Variants in NKAIN1 observed in about 807,000 individuals in gnomAD.
NKAIN1 encodes the protein sodium/potassium-transporting ATPase subunit beta-1-interacting protein 1.
In NKAIN1, 13 loss-of-function variants were observed where a neutral mutation model predicts 31.6. The observed-to-expected ratio is 0.41, with a 90% CI of 0.27 to 0.65. The LOEUF (loss-of-function observed/expected upper bound fraction) is 0.65. Among genes scored for constraint, NKAIN1 ranks in the 30% least tolerant of loss-of-function variants. The probability of loss-of-function intolerance (pLI) is 0.30; values close to 1 mark genes in which losing one functional copy is unlikely to be tolerated. For missense variants in NKAIN1, 193 were observed against 262.2 expected (o/e 0.74, Z 1.82); for synonymous variants, 104 against 109.0 (o/e 0.95, Z 0.28).
At chr1:31,193,777 A>G (rs1407077254) in intron 1 of NKAIN1, 2 of 152,112 alleles carry the variant, frequency 1.3e-5, no homozygotes, top group African/African-American at 4.8e-5. Flanking sequence ...TAATTAACAA[A>G]TAATAATAAG....
intron 6 of NKAIN1, 66 bp downstream of exon 6, chr1:31,181,794 C>G: frequency 2.6e-6 from 4 of 1,561,512 alleles, no homozygotes; most frequent in African/African-American, 1.3e-5. Flanking sequence ...GCCCACTCCT[C>G]CATCCCCTCC....
rs1339872797 is a variant in NKAIN1 at position 31,180,321 on chromosome 1, A to G, written c.*1382T>C. The G allele has an allele frequency of 6.6e-6, 1 of 152,154 alleles. No individual in the cohort carries two copies. Among genetic ancestry groups the G allele is most frequent in the Non-Finnish European group, 1.5e-5 (1 of 68,062 alleles). The allele number at this position is 152,154 out of a possible 1,614,324, so 9.4% of individuals were successfully genotyped here. ...AATGCTGAGACCTGATCCTCTCTCT[A>G]TGGACGCACCAGGCAGTGCGTGGGA... On this transcript the variant is annotated 3_prime_UTR_variant, in exon 7 of 7. Transcript: ENST00000373736.
intron 1 of NKAIN1, among the ~76,000 whole-genome samples, chr1:31,206,821 C>T (rs1340326698): frequency 1.3e-5 from 2 of 152,174 alleles, no homozygotes; most frequent in Admixed American, 6.5e-5. Context: ...GCAGCCCCAA[C>T]CTCTGAGCCT....
chr1:31,201,459 C>T (rs540317885), intron 1 of NKAIN1, among the ~76,000 whole-genome samples: 19 of 151,148 alleles, frequency 1.3e-4, no homozygotes, highest in African/African-American at 4.1e-4. Flanking sequence ...TCCGGGTTCA[C>T]GCCATCCTCC....
intron 3 of NKAIN1, among the ~76,000 whole-genome samples, chr1:31,184,618 T>A (rs1645228470): frequency 6.6e-6 from 1 of 152,200 alleles, no homozygotes; most frequent in African/African-American, 2.4e-5. Flanking sequence ...ATCAGCCACT[T>A]GCCCAGGGTA....
At chr1:31,186,062 T>TA (rs765519205) in intron 2 of NKAIN1, among the ~76,000 whole-genome samples, 2,173 of 130,214 alleles carry the variant, frequency 0.017, 19 homozygotes, top group Admixed American at 0.034. Flanking sequence ...AACCCATATT[T>TA]AAAAAAAAAA....
chr1:31,221,298 G>T (rs192903729), intron 1 of NKAIN1, among the ~76,000 whole-genome samples: 1 of 152,146 alleles, frequency 6.6e-6, no homozygotes, highest in Admixed American at 6.6e-5. Flanking sequence ...TGTCTCTCTG[G>T]TCTAGACGAA....
intron 1 of NKAIN1, among the ~76,000 whole-genome samples, chr1:31,219,066 A>G (rs1040697768): frequency 2.0e-5 from 3 of 152,274 alleles, no homozygotes; most frequent in South Asian, 2.1e-4. Context: ...AGGAGCACCA[A>G]TGCGGGTCTA....
intron 5 of NKAIN1, 93 bp downstream of exon 5, chr1:31,182,437 G>GCTCC: frequency 6.9e-7 from 1 of 1,439,820 alleles, no homozygotes; most frequent in Admixed American, 1.7e-5. Context: ...CCGACCCTGG[G>GCTCC]CTCCCTCCCG....
chr1:31,200,417 G>A (rs546546934), intron 1 of NKAIN1, among the ~76,000 whole-genome samples: 3 of 151,652 alleles, frequency 2.0e-5, no homozygotes, highest in East Asian at 1.9e-4. Flanking sequence ...CTATAGTTCC[G>A]GAATGTCTTA....
chr1:31,203,388 G>A (rs910247097), intron 1 of NKAIN1, among the ~76,000 whole-genome samples: 6 of 147,206 alleles, frequency 4.1e-5, no homozygotes, highest in Non-Finnish European at 9.2e-5. Flanking sequence ...CCATTATGAT[G>A]GAGTGTGGGA....
At chr1:31,235,087 T>C (rs1645684979) in intron 1 of NKAIN1, among the ~76,000 whole-genome samples, 1 of 152,204 alleles carries the variant, frequency 6.6e-6, no homozygotes, top group African/African-American at 2.4e-5. Flanking sequence ...TGTATGCTCA[T>C]TTGGTTAAAT....
chr1:31,183,820 C>T lies in NKAIN1; in HGVS notation c.468G>A (p.Leu156=). The T allele has an allele frequency of 1.2e-6, 2 of 1,611,504 alleles. No homozygotes were observed. The highest frequency in any genetic ancestry group is 2.2e-5 in the East Asian group (1 of 44,790). Residue 156 remains leucine, a synonymous_variant, in exon 4 of 7, where the codon CTG becomes CTA. Transcript: ENST00000373736. ...EALSSALQIF[L]ALFGFVFACY... ...GGTGGGGGACAGAAGGACTTACTGCCAGGAAGATCTGCAGGGCGCTGCTGA... is the reference window on the plus strand; with the variant it reads ...GGTGGGGGACAGAAGGACTTACTGCTAGGAAGATCTGCAGGGCGCTGCTGA...
intron 2 of NKAIN1, among the ~76,000 whole-genome samples, chr1:31,186,064 A>T (rs1433252483): frequency 8.4e-4 from 120 of 142,312 alleles, no homozygotes; most frequent in Middle Eastern, 3.5e-3. Context: ...CCCATATTTA[A>T]AAAAAAAAAA....
At chr1:31,185,863 G>T (rs1645237637) in intron 2 of NKAIN1, among the ~76,000 whole-genome samples, 1 of 152,066 alleles carries the variant, frequency 6.6e-6, no homozygotes. Context: ...AGAGGGCGAG[G>T]ACTCTGACTG....
intron 1 of NKAIN1, among the ~76,000 whole-genome samples, chr1:31,230,028 C>T (rs1036063032): frequency 6.6e-6 from 1 of 152,100 alleles, no homozygotes; most frequent in Non-Finnish European, 1.5e-5. Flanking sequence ...ATTATTATTC[C>T]CATTTTACAG....
At chr1:31,198,417 G>A (rs955773406) in intron 1 of NKAIN1, among the ~76,000 whole-genome samples, 3 of 152,122 alleles carry the variant, frequency 2.0e-5, no homozygotes, top group Admixed American at 6.6e-5. Context: ...TCCATGTCCA[G>A]TGTTTTGGGC....
At chr1:31,200,039 ATGCACACGTG>A (rs1645366012) in intron 1 of NKAIN1, among the ~76,000 whole-genome samples, 1 of 151,306 alleles carries the variant, frequency 6.6e-6, no homozygotes, top group Admixed American at 6.6e-5. Flanking sequence ...ACACACACAC[ATGCACACGTG>A]CACACACGCA....
chr1:31,181,948 A>G lies in NKAIN1; in HGVS notation c.533-7T>C. On this transcript the variant is annotated splice_region_variant and splice_polypyrimidine_tract_variant and intron_variant, in intron 5 of 6. Transcript: ENST00000373736. The stretch of plus-strand genomic sequence containing the variant: ...AAGCCGCCGATGAAGTCAACTGCGG[A>G]AGAGGGGCGGCGCATGTTAGGGATC... 6.2e-7 allele frequency: 1 copy of G among 1,604,160 alleles called. No homozygotes were observed. Among genetic ancestry groups the G allele is most frequent in the Non-Finnish European group, 8.5e-7 (1 of 1,176,040 alleles).
Sources: gnomAD v4.1 joint callset for allele counts (sites outside exome capture counted in the v4.1 genomes callset) on GRCh38, gnomAD v4.1.1 for gene constraint, MANE v1.5 for transcripts, NCBI Gene and HGNC (gene_info 2026-07-23, HGNC 2026-07-21) for gene names.